The following SNX29 variants were observed in gnomAD, a reference collection of about 807,000 sequenced individuals.
The protein encoded by SNX29 is sorting nexin 29.
SNX29 carries 78 observed loss-of-function variants against 102.1 expected under a neutral mutation model. The ratio of observed to expected loss-of-function variants is 0.76; its 90% CI spans 0.64 to 0.92. SNX29 has a LOEUF of 0.92. Ranked by LOEUF, SNX29 falls within the 40% of genes least tolerant of loss-of-function variation. The probability of loss-of-function intolerance (pLI) is 0.00; values close to 1 mark genes in which losing one functional copy is unlikely to be tolerated. For synonymous variants in SNX29, 580 were observed against 414.5 expected (o/e 1.40, Z -4.85); for missense variants, 1,280 against 1,061.7 (o/e 1.21, Z -2.86).
chr16:12,156,412 C>T (rs1192789243), intron 13 of SNX29, among the ~76,000 whole-genome samples: 1 of 152,186 alleles, frequency 6.6e-6, no homozygotes, highest in African/African-American at 2.4e-5. Flanking sequence ...CTCAGGTGAT[C>T]CGCCCACCTC....
chr16:12,313,671 T>G (rs1163760826), intron 15 of SNX29, among the ~76,000 whole-genome samples: 2 of 152,212 alleles, frequency 1.3e-5, no homozygotes, highest in South Asian at 2.1e-4. Flanking sequence ...CAGGGCCCCA[T>G]GAGGGCAGGG....
intron 19 of SNX29, among the ~76,000 whole-genome samples, chr16:12,507,478 C>A (rs192253139): frequency 6.6e-6 from 1 of 152,334 alleles, no homozygotes; most frequent in African/African-American, 2.4e-5. Flanking sequence ...CAATGCCAGA[C>A]TCTGTTTCTT....
At chr16:12,137,174 G>T (rs1392165878) in intron 13 of SNX29, among the ~76,000 whole-genome samples, 2 of 152,224 alleles carry the variant, frequency 1.3e-5, no homozygotes, top group Non-Finnish European at 2.9e-5. Flanking sequence ...GGATTGTTGG[G>T]ACGGTTACAT....
chr16:12,568,596 C>T lies in SNX29; in HGVS notation c.2409C>T (p.Thr803=), dbSNP rs374983257. The T allele has an allele frequency of 1.9e-6, 3 of 1,605,874 alleles. No individual in the cohort carries two copies. The highest frequency in any genetic ancestry group is 2.2e-5 in the South Asian group (2 of 91,088). ...TGTCCCGGGGTCAGCCCCGGGAGAC[C>T]CGCAACGTGGAGCCCCAGAGCGGTG... ...PKLSRGQPRE[T]RNVEPQSGDL is the part of the protein sequence containing the mutation. Residue 803 remains threonine, a synonymous_variant, in exon 21 of 21, where the codon ACC becomes ACT. Transcript: ENST00000566228.
chr16:12,165,232 C>G (rs1446722873), intron 13 of SNX29, among the ~76,000 whole-genome samples: 1 of 152,184 alleles, frequency 6.6e-6, no homozygotes, highest in Non-Finnish European at 1.5e-5. Context: ...TCATGTGTTT[C>G]CTGCGTAATT....
chr16:12,222,594 A>T (rs1049543526), intron 14 of SNX29, among the ~76,000 whole-genome samples: 5 of 151,994 alleles, frequency 3.3e-5, no homozygotes, highest in Admixed American at 1.3e-4. Context: ...TTTGAGACAG[A>T]GTCTCTCTCT....
At chr16:12,399,178 G>A (rs938131026) in intron 17 of SNX29, among the ~76,000 whole-genome samples, 3 of 152,126 alleles carry the variant, frequency 2.0e-5, no homozygotes, top group African/African-American at 7.2e-5. Flanking sequence ...AGCCTTCCAA[G>A]TAGCTGGGAT....
chr16:12,136,329 G>A (rs549661826), intron 13 of SNX29, among the ~76,000 whole-genome samples: 3 of 152,336 alleles, frequency 2.0e-5, no homozygotes, highest in South Asian at 4.1e-4. Flanking sequence ...TTGGAGGGCC[G>A]TGTCCGACCC....
intron 15 of SNX29, among the ~76,000 whole-genome samples, chr16:12,343,029 AT>A (rs1287223420): frequency 2.6e-5 from 4 of 152,246 alleles, no homozygotes; most frequent in African/African-American, 9.6e-5. Context: ...TGCTCATAAA[AT>A]TTAATGTTCT....
Position 12,410,634 on chromosome 16 carries a change from G to C in SNX29, c.2037+7105G>C, listed in dbSNP as rs747144591. Among the ~76,000 whole-genome samples the C allele has an allele frequency of 2.0e-5, 3 of 151,816 alleles. No homozygotes were observed. The East Asian group carries it at 5.9e-4, about 30-fold the overall frequency. On this transcript the variant is annotated intron_variant, in intron 18 of 20. Coordinates refer to ENST00000566228, the MANE Select transcript of SNX29 (RefSeq NM_032167.5). ...ATTTTTGAAGAGACAGGGTCTCACTGTGCTGCCTAGGCTGGTCTGTAACTC... is the reference window on the plus strand; with the variant it reads ...ATTTTTGAAGAGACAGGGTCTCACTCTGCTGCCTAGGCTGGTCTGTAACTC...
At chr16:12,533,477 G>T (rs8060762) in intron 20 of SNX29, among the ~76,000 whole-genome samples, 232 of 152,314 alleles carry the variant, frequency 1.5e-3, no homozygotes, top group African/African-American at 5.3e-3. Flanking sequence ...ATCCCCAGCA[G>T]TGGGGTTCCT....
intron 13 of SNX29, among the ~76,000 whole-genome samples, chr16:12,136,995 C>T (rs2054687223): frequency 6.6e-6 from 1 of 152,212 alleles, no homozygotes; most frequent in African/African-American, 2.4e-5. Context: ...CTGCTTCAGC[C>T]TCCCAAAGTG....
At chr16:12,134,651 T>C (rs1173703634) in intron 13 of SNX29, among the ~76,000 whole-genome samples, 1 of 152,180 alleles carries the variant, frequency 6.6e-6, no homozygotes, top group African/African-American at 2.4e-5. Context: ...ACATGATTGC[T>C]TCTGCTATAT....
Position 12,570,408 on chromosome 16 carries a change from C to G in SNX29, c.*1779C>G, listed in dbSNP as rs1449080898. On this transcript the variant is annotated 3_prime_UTR_variant, in exon 21 of 21. Transcript: ENST00000566228. ...ATTCCAAGGCCAGAGTGCACATCAGCTCACATGACTGGCAACTCTAAATAG... is the reference window on the plus strand; with the variant it reads ...ATTCCAAGGCCAGAGTGCACATCAGGTCACATGACTGGCAACTCTAAATAG... 2 of 283,372 alleles carry G rather than the reference C, an allele frequency of 7.1e-6. No homozygotes were observed. The highest frequency in any genetic ancestry group is 6.1e-6 in the Non-Finnish European group (1 of 164,130). The allele number at this position is 283,372 out of a possible 1,614,324, so 17.6% of individuals were successfully genotyped here. A position where few individuals can be genotyped will look rare whatever the true frequency, so the allele number is the denominator to read the frequency against.
intron 12 of SNX29, 139 bp from the exon 13 acceptor site, chr16:12,129,491 G>T: frequency 8.7e-7 from 1 of 1,145,920 alleles, no homozygotes; most frequent in South Asian, 2.2e-5. Context: ...GTTCACATGA[G>T]ATAGACTTGA....
rs141137293 is a variant in SNX29, at chr16:12,567,090, G to T, written c.2319-1416G>T. Among the ~76,000 whole-genome samples, 202 of 152,368 alleles carry T rather than the reference G, an allele frequency of 1.3e-3. 1 individual carries two copies. The highest frequency in any genetic ancestry group is 0.01 in the Middle Eastern group (3 of 294). On this transcript the variant is annotated intron_variant, in intron 20 of 20. Transcript: ENST00000566228. ...GGAACCCTGCAGGGATCCTCGAGGG[G>T]AATGATTTCTTTATGAATGCAAGTC...
intron 14 of SNX29, among the ~76,000 whole-genome samples, chr16:12,246,071 G>A (rs1351896494): frequency 6.6e-6 from 1 of 152,134 alleles, no homozygotes; most frequent in Non-Finnish European, 1.5e-5. Flanking sequence ...CAGCTGCTGT[G>A]TTTCTATCTC....
At chr16:12,187,207 C>T (rs903667407) in intron 13 of SNX29, among the ~76,000 whole-genome samples, 1 of 152,218 alleles carries the variant, frequency 6.6e-6, no homozygotes, top group Non-Finnish European at 1.5e-5. Flanking sequence ...TGCATGTCCC[C>T]TGGGCATGCT....
chr16:12,131,458 G>A (rs902356880), intron 13 of SNX29, among the ~76,000 whole-genome samples: 1 of 152,088 alleles, frequency 6.6e-6, no homozygotes, highest in African/African-American at 2.4e-5. Context: ...CACTGCTTAG[G>A]AGTGCAAAAG....
Sources: gnomAD v4.1 joint callset for allele counts (sites outside exome capture counted in the v4.1 genomes callset) on GRCh38, gnomAD v4.1.1 for gene constraint, MANE v1.5 for transcripts, NCBI Gene and HGNC (gene_info 2026-07-23, HGNC 2026-07-21) for gene names.